The following TMEM204 variants were observed in gnomAD, a reference collection of about 807,000 sequenced individuals.
TMEM204 encodes transmembrane protein 204.
A neutral mutation model predicts 19.4 loss-of-function variants in TMEM204; 15 were observed. That is an observed-to-expected ratio of 0.77 (90% CI 0.52 to 1.19). The LOEUF (loss-of-function observed/expected upper bound fraction) is 1.19, where lower values mean the gene tolerates loss of function less well. Ranked by LOEUF, TMEM204 falls within the 50% of genes most tolerant of loss-of-function variation. The pLI, the probability that TMEM204 is intolerant of heterozygous loss-of-function variation, is 0.00. For synonymous variants in TMEM204, 161 were observed against 146.0 expected (o/e 1.10, Z -0.74); for missense variants, 287 against 321.2 (o/e 0.89, Z 0.81).
Position 1,553,960 on chromosome 16 carries a change from A to T in TMEM204, c.437-822A>T. 7.8e-7 allele frequency: 1 copy of T among 1,287,168 alleles called. No homozygotes were observed. The highest frequency in any genetic ancestry group is 1.0e-6 in the Non-Finnish European group (1 of 988,626). 79.7% of individuals were successfully genotyped at this position (1,287,168 alleles called of 1,614,324 possible). On this transcript the variant is annotated intron_variant, in intron 2 of 2. Transcript: ENST00000566264. This position sits in a 1 kb window ranked among gnomAD's most constrained non-coding sequence, Gnocchi z 4.4. The stretch of plus-strand genomic sequence containing the variant: ...ATAAAACTGTAAGTGAAACTGTAGC[A>T]TCAGCGACTAACTAGACGGGAACAA...
At chr16:1,529,085 G>A (rs1326911796), upstream of TMEM204, among the ~76,000 whole-genome samples, 3 of 152,198 alleles carry the variant, frequency 2.0e-5, no homozygotes, top group East Asian at 1.9e-4. Context: ...TGGCTGCAAC[G>A]CGGCATACCC....
intron 1 of TMEM204, among the ~76,000 whole-genome samples, chr16:1,535,460 CT>C (rs1242950815): frequency 6.6e-6 from 1 of 152,214 alleles, no homozygotes; most frequent in African/African-American, 2.4e-5. Context: ...CCCCAAGTCT[CT>C]GCTGCAGAGC....
At chr16:1,543,152 G>A (rs1367563292) in intron 2 of TMEM204, among the ~76,000 whole-genome samples, 2 of 152,214 alleles carry the variant, frequency 1.3e-5, no homozygotes, top group East Asian at 1.9e-4. Context: ...CGAGCATGTC[G>A]GCCCATGGCT....
intron 2 of TMEM204, among the ~76,000 whole-genome samples, chr16:1,548,955 C>T (rs1052213768): frequency 7.2e-5 from 11 of 152,262 alleles, no homozygotes; most frequent in African/African-American, 1.7e-4. Context: ...CTGTTCACGA[C>T]GTGAACCTTT....
chr16:1,529,849 G>A (rs1361863724), upstream of TMEM204, among the ~76,000 whole-genome samples: 2 of 152,176 alleles, frequency 1.3e-5, no homozygotes, highest in Non-Finnish European at 2.9e-5. Context: ...GAACGCTGCT[G>A]GGCCTCATCC....
chr16:1,544,901 G>C (rs2032036230), intron 2 of TMEM204, among the ~76,000 whole-genome samples: 1 of 152,288 alleles, frequency 6.6e-6, no homozygotes, highest in Non-Finnish European at 1.5e-5. Flanking sequence ...GCCCGCCTCG[G>C]CCTCCCAAAG....
intron 2 of TMEM204, chr16:1,554,253 A>AGCTATGCTTCTGAC: frequency 8.6e-6 from 5 of 578,632 alleles, no homozygotes; most frequent in South Asian, 1.9e-5. Flanking sequence ...AAACTGTCAG[A>AGCTATGCTTCTGAC]AGCATAGCTC....
intron 1 of TMEM204, among the ~76,000 whole-genome samples, chr16:1,535,563 C>T (rs1474350863): frequency 2.6e-5 from 4 of 152,168 alleles, no homozygotes; most frequent in Admixed American, 6.5e-5. Context: ...GAGGGAGTCC[C>T]GGAGTACTGG....
intron 2 of TMEM204, among the ~76,000 whole-genome samples, chr16:1,543,632 C>G (rs2031868833): frequency 6.6e-6 from 1 of 152,198 alleles, no homozygotes; most frequent in Non-Finnish European, 1.5e-5. Context: ...ATTTCTGCCC[C>G]CACCCAACTG....
chr16:1,531,577 C>G (rs2030497611), upstream of TMEM204: 1 of 152,288 alleles, frequency 6.6e-6, no homozygotes. This position sits in a 1 kb window ranked among gnomAD's most constrained non-coding sequence, Gnocchi z 4.7. Flanking sequence ...CACCGCCCAG[C>G]TGCGAGTCCC....
chr16:1,553,270 C>T lies in TMEM204; in HGVS notation c.437-1512C>T, dbSNP rs2032823630. On this transcript the variant is annotated intron_variant, in intron 2 of 2. Coordinates refer to ENST00000566264, the MANE Select transcript of TMEM204 (RefSeq NM_024600.6). This position sits in a 1 kb window ranked among gnomAD's most constrained non-coding sequence, Gnocchi z 4.4. ...TCTGTCTCTCTGTATCTCTCTTGGT[C>T]TCTGTCTCTCTGTGTCTCTGCCTGT... is the stretch of plus-strand genomic sequence containing the variant. 4 of 979,698 alleles carry T rather than the reference C, an allele frequency of 4.1e-6. No homozygotes were observed. Among genetic ancestry groups the T allele is most frequent in the Admixed American group, 6.2e-5 (1 of 16,234 alleles). 60.7% of individuals were successfully genotyped at this position (979,698 alleles called of 1,614,324 possible). A position where few individuals can be genotyped will look rare whatever the true frequency, so the allele number is the denominator to read the frequency against.
chr16:1,553,418 T>C lies in TMEM204; in HGVS notation c.437-1364T>C, dbSNP rs1451149406. The stretch of plus-strand genomic sequence containing the variant: ...TTCCTGGGGAATGCAGGGGAGGCGG[T>C]TGGGAGTGGAGAGACCGGCATGAAC... On this transcript the variant is annotated intron_variant, in intron 2 of 2. Transcript: ENST00000566264. The surrounding 1 kb of genome is among the most constrained non-coding windows in gnomAD (Gnocchi z 4.4). The C allele has an allele frequency of 3.0e-6, 3 of 984,834 alleles. No individual in the cohort carries two copies. The highest frequency in any genetic ancestry group is 3.5e-5 in the African/African-American group (2 of 57,054). 61.0% of individuals were successfully genotyped at this position (984,834 alleles called of 1,614,324 possible).
Position 1,554,917 on chromosome 16 carries a change from T to G in TMEM204, c.572T>G (p.Leu191Arg). 1 of 1,614,222 alleles carries G rather than the reference T, an allele frequency of 6.2e-7. No homozygotes were observed. The highest frequency in any genetic ancestry group is 1.3e-5 in the African/African-American group (1 of 75,064). Reference sequence around the variant, plus strand: ...GCAGCCATGCTCATCTGGAACATTCTCCACAAGAGGGAGGACTGCATGGCC... The same window carrying G: ...GCAGCCATGCTCATCTGGAACATTCGCCACAAGAGGGAGGACTGCATGGCC... ...LAAAMLIWNILHKREDCMAPR... is the reference protein window; with the variant it reads ...LAAAMLIWNIRHKREDCMAPR... The change falls in exon 3 of 3, where the codon CTC becomes CGC. Residue 191 changes from leucine to arginine, a missense_variant. Physicochemically the swap from Leu to Arg is moderately radical, Grantham distance 102. Transcript: ENST00000566264.
chr16:1,540,356 T>G (rs1026305342), intron 1 of TMEM204, among the ~76,000 whole-genome samples: 4 of 152,244 alleles, frequency 2.6e-5, no homozygotes, highest in Non-Finnish European at 4.4e-5. Flanking sequence ...ACGTAAACAC[T>G]CACGAAGTAA....
upstream of TMEM204, chr16:1,531,649 A>G (rs1256717075): frequency 1.3e-5 from 2 of 151,944 alleles, no homozygotes; most frequent in Non-Finnish European, 2.9e-5. This position sits in a 1 kb window ranked among gnomAD's most constrained non-coding sequence, Gnocchi z 4.7. Flanking sequence ...CTTAACTTAC[A>G]TGCTGCTCCC....
intron 2 of TMEM204, among the ~76,000 whole-genome samples, chr16:1,546,615 C>T (rs2032198425): frequency 6.6e-6 from 1 of 152,232 alleles, no homozygotes; most frequent in Non-Finnish European, 1.5e-5. Context: ...TGGTGCAGCA[C>T]CTGTGCTCCC....
At position 1,551,678 on chromosome 16, in the gene TMEM204, T is replaced by C. The variant is rs1167295094; in HGVS notation, c.437-3104T>C. On this transcript the variant is annotated intron_variant, in intron 2 of 2. Coordinates refer to ENST00000566264, the MANE Select transcript of TMEM204 (RefSeq NM_024600.6). This position sits in a 1 kb window ranked among gnomAD's most constrained non-coding sequence, Gnocchi z 4.0. ...CGAACCCAACTTCAGGACATGCTTG[T>C]TCACGGAAGAGCCTAAGATCAGCGG... 6.6e-6 allele frequency among the ~76,000 whole-genome samples: 1 copy of C among 152,188 alleles called. No homozygotes were observed. The highest frequency in any genetic ancestry group is 2.4e-5 in the African/African-American group (1 of 41,444).
At chr16:1,529,529 T>C (rs1249195011), upstream of TMEM204, among the ~76,000 whole-genome samples, 1 of 152,208 alleles carries the variant, frequency 6.6e-6, no homozygotes, top group Non-Finnish European at 1.5e-5. Flanking sequence ...CGATTCGCGC[T>C]CCTCAGTCTT....
chr16:1,532,805 G>A (rs556956596), upstream of TMEM204: 1 of 152,372 alleles, frequency 6.6e-6, no homozygotes, highest in South Asian at 2.1e-4. Context: ...GAATAATTCT[G>A]AGCAGAATAG....
Sources: allele counts gnomAD v4.1 joint callset (sites outside exome capture counted in the v4.1 genomes callset), GRCh38; gene constraint gnomAD v4.1.1; non-coding constraint Gnocchi (gnomAD v3.1); transcripts MANE v1.5; gene names NCBI Gene and HGNC (gene_info 2026-07-23, HGNC 2026-07-21).